Variants in HIF1A observed in about 807,000 individuals in gnomAD.
HIF1A encodes the protein hypoxia inducible factor 1 subunit alpha.
Under a neutral mutation model 92.7 loss-of-function variants are expected in HIF1A, and 24 were observed. The ratio of observed to expected loss-of-function variants is 0.26; its 90% CI spans 0.19 to 0.36. The LOEUF (loss-of-function observed/expected upper bound fraction) is 0.36. Ranked by LOEUF, HIF1A falls within the 10% of genes least tolerant of loss-of-function variation. The probability of loss-of-function intolerance (pLI) is 1.00; values close to 1 mark genes in which losing one functional copy is unlikely to be tolerated. For missense variants in HIF1A, 799 were observed against 998.5 expected (o/e 0.80, Z 2.69); for synonymous variants, 319 against 338.7 (o/e 0.94, Z 0.64).
intron 1 of HIF1A, among the ~76,000 whole-genome samples, chr14:61,715,002 C>T (rs2044347195): frequency 6.6e-6 from 1 of 152,082 alleles, no homozygotes; most frequent in South Asian, 2.1e-4. Flanking sequence ...CCATTGCACT[C>T]CAGTCTGGGC....
At chr14:61,727,829 A>G (rs1390188175) in intron 6 of HIF1A, among the ~76,000 whole-genome samples, 174 bp downstream of exon 6, 1 of 152,080 alleles carries the variant, frequency 6.6e-6, no homozygotes, top group Non-Finnish European at 1.5e-5. Context: ...CAGGAGATTG[A>G]GACCAGCCTG....
chr14:61,737,753 G>A (rs143072361), intron 9 of HIF1A, among the ~76,000 whole-genome samples: 22 of 152,290 alleles, frequency 1.4e-4, no homozygotes, highest in Non-Finnish European at 2.9e-4. Context: ...GTGGCCGGGC[G>A]CAGTGGCTCA....
chr14:61,712,640 T>C (rs1409114915), intron 1 of HIF1A, among the ~76,000 whole-genome samples: 9 of 149,984 alleles, frequency 6.0e-5, no homozygotes, highest in Non-Finnish European at 1.3e-4. Flanking sequence ...AATTCAAATA[T>C]TATGTTTATT....
chr14:61,721,973 A>G, intron 4 of HIF1A, 150 bp downstream of exon 4: 3 of 581,456 alleles, frequency 5.2e-6, no homozygotes, highest in Non-Finnish European at 9.0e-6. Context: ...TAAAACTATT[A>G]TTTTAGTTTT....
intron 1 of HIF1A, among the ~76,000 whole-genome samples, chr14:61,696,311 C>G (rs989955585): frequency 6.6e-6 from 1 of 152,268 alleles, no homozygotes; most frequent in African/African-American, 2.4e-5. Flanking sequence ...CTGGGGCGGA[C>G]CCTGCACGCT....
chr14:61,740,280 TG>T (rs1298610231), intron 10 of HIF1A: 1 of 278,428 alleles, frequency 3.6e-6, no homozygotes, highest in Admixed American at 4.8e-5. Flanking sequence ...TTGGCCAGGA[TG>T]GTCTCGATCT....
intron 1 of HIF1A, among the ~76,000 whole-genome samples, chr14:61,703,581 G>A (rs1041563417): frequency 7.9e-5 from 12 of 151,592 alleles, no homozygotes; most frequent in Middle Eastern, 3.2e-3. Flanking sequence ...GGAAGAGGAC[G>A]GCTAGCATCC....
At chr14:61,741,801 T>C (rs2140157850) in intron 12 of HIF1A, among the ~76,000 whole-genome samples, 1 of 152,304 alleles carries the variant, frequency 6.6e-6, no homozygotes, top group South Asian at 2.1e-4. Context: ...GTTCTTACAG[T>C]TGTTTAAATC....
At chr14:61,698,031 A>G (rs2044136056) in intron 1 of HIF1A, 1 of 720,988 alleles carries the variant, frequency 1.4e-6, no homozygotes, top group Non-Finnish European at 2.0e-6. Context: ...CTTATTTAAT[A>G]GCACGTGCAT....
At chr14:61,727,229 G>C (rs945031809) in intron 5 of HIF1A, among the ~76,000 whole-genome samples, 1 of 152,194 alleles carries the variant, frequency 6.6e-6, no homozygotes, top group Non-Finnish European at 1.5e-5. Context: ...CTTTATACGA[G>C]GGGAATTTTT....
intron 1 of HIF1A, among the ~76,000 whole-genome samples, chr14:61,716,424 T>C (rs2044364581): frequency 6.6e-6 from 1 of 152,184 alleles, no homozygotes; most frequent in Non-Finnish European, 1.5e-5. Context: ...AATAACATAA[T>C]TGAGGTACAT....
In HIF1A at chr14:61,726,764, G is replaced by A; in HGVS notation, c.516G>A (p.Lys172=). The change falls in exon 5 of 15, where the codon AAG becomes AAA. Residue 172 remains lysine, a synonymous_variant. Transcript: ENST00000337138. The stretch of plus-strand genomic sequence containing the variant: ...AGCGAAGCTTTTTTCTCAGAATGAA[G>A]TGTACCCTAACTAGCCGAGGAAGAA... ...NTQRSFFLRM[K]CTLTSRGRTM... 1.9e-6 allele frequency: 3 copies of A among 1,609,768 alleles called. No individual in the cohort carries two copies. The highest frequency in any genetic ancestry group is 1.1e-5 in the South Asian group (1 of 89,866).
chr14:61,723,537 T>C lies in HIF1A; in HGVS notation c.457+1714T>C, dbSNP rs542653828. Among the ~76,000 whole-genome samples, 5 of 152,350 alleles carry C rather than the reference T, an allele frequency of 3.3e-5. No individual in the cohort carries two copies. The East Asian group carries it at 9.6e-4, about 29-fold the overall frequency. ...ACCTGACTCCTGTTTTTAAATTTCA[T>C]ATTGTGTTTTTACTGTTAATTTGGA... On this transcript the variant is annotated intron_variant, in intron 4 of 14. Coordinates refer to ENST00000337138, the MANE Select transcript of HIF1A (RefSeq NM_001530.4).
At chr14:61,697,969 C>T (rs2044135291) in intron 1 of HIF1A, 1 of 1,401,282 alleles carries the variant, frequency 7.1e-7, no homozygotes, top group Non-Finnish European at 9.5e-7. Context: ...GGTTATGATA[C>T]TGTAGATTTA....
At position 61,712,512 on chromosome 14, in the gene HIF1A, G is replaced by C. The variant is rs113150306; in HGVS notation, c.36-7870G>C. 5.8e-3 allele frequency among the ~76,000 whole-genome samples: 871 copies of C among 150,226 alleles called. 13 individuals are homozygous for C. The highest frequency in any genetic ancestry group is 0.02 in the African/African-American group (811 of 40,728). ...AAGGATTATTCTAGTTGCTGTTACA[G>C]AAAAAGATTACAGGGGTGCAAAGAA... On this transcript the variant is annotated intron_variant, in intron 1 of 14. Coordinates refer to ENST00000337138, the MANE Select transcript of HIF1A (RefSeq NM_001530.4).
At chr14:61,709,839 A>C (rs1048170272) in intron 1 of HIF1A, among the ~76,000 whole-genome samples, 11 of 152,214 alleles carry the variant, frequency 7.2e-5, no homozygotes, top group Non-Finnish European at 1.2e-4. Context: ...ACAGTAGGAA[A>C]GAAATATGAT....
intron 4 of HIF1A, among the ~76,000 whole-genome samples, chr14:61,722,470 A>C (rs1243756341): frequency 6.6e-6 from 1 of 152,152 alleles, no homozygotes; most frequent in African/African-American, 2.4e-5. Flanking sequence ...CCTGGACTCA[A>C]GTGATCCTCC....
Position 61,696,484 on chromosome 14 carries a change from G to A in HIF1A, c.35+645G>A, listed in dbSNP as rs187495928. Among the ~76,000 whole-genome samples the A allele has an allele frequency of 2.9e-3, 446 of 152,334 alleles. 2 individuals are homozygous for A. The highest frequency in any genetic ancestry group is 0.022 in the South Asian group (107 of 4,830). ...CCTTAAGATGCGAACTTTTTAGTTT[G>A]CACGTGCAGGTTTTGTTTCGTTTTA... On this transcript the variant is annotated intron_variant, in intron 1 of 14. Coordinates refer to ENST00000337138, the MANE Select transcript of HIF1A (RefSeq NM_001530.4).
At chr14:61,720,963 C>A (rs142678068) in intron 2 of HIF1A, among the ~76,000 whole-genome samples, 2 of 152,066 alleles carry the variant, frequency 1.3e-5, no homozygotes, top group African/African-American at 4.8e-5. Flanking sequence ...TGACTCAGGC[C>A]GGGCGCGGTG....
Sources: allele counts gnomAD v4.1 joint callset (sites outside exome capture counted in the v4.1 genomes callset), GRCh38; gene constraint gnomAD v4.1.1; transcripts MANE v1.5; gene names NCBI Gene and HGNC (gene_info 2026-07-23, HGNC 2026-07-21).